MAU2: variants seen among roughly 807,000 people sequenced by gnomAD.
MAU2 encodes MAU2 chromatid cohesion factor homolog.
Under a neutral mutation model 89.1 loss-of-function variants are expected in MAU2, and 9 were observed. The observed-to-expected ratio is 0.10, with a 90% confidence interval of 0.06 to 0.18. The LOEUF is 0.18. Ranked by LOEUF, MAU2 falls within the 10% of genes least tolerant of loss-of-function variation. MAU2 has a pLI of 1.00. For synonymous variants in MAU2, 357 were observed against 343.4 expected (o/e 1.04, Z -0.44); for missense variants, 425 against 803.5 (o/e 0.53, Z 5.69).
At chr19:19,333,309 A>AC (rs202199772) in intron 1 of MAU2, among the ~76,000 whole-genome samples, 1,882 of 152,174 alleles carry the variant, frequency 0.012, 15 homozygotes, top group Non-Finnish European at 0.02. Flanking sequence ...GCGTAGCCAG[A>AC]CCCCATCTCT....
At chr19:19,352,444 G>C (rs2061753065) in intron 16 of MAU2, 1 of 152,230 alleles carries the variant, frequency 6.6e-6, no homozygotes, top group Non-Finnish European at 1.5e-5. Flanking sequence ...TCAGGCCCTG[G>C]TGGGCCTTGG....
rs1003875591 is a variant in MAU2 at position 19,327,623 on chromosome 19, C to G, written c.276+6488C>G. On this transcript the variant is annotated intron_variant, in intron 1 of 18. Coordinates refer to ENST00000262815, the MANE Select transcript of MAU2 (RefSeq NM_015329.4). Reference sequence around the variant, plus strand: ...TACAGGCGTGAGCCACTGCGCCCGGCCTCTACTTTTATTAGAGATGGGGTT... The same window carrying G: ...TACAGGCGTGAGCCACTGCGCCCGGGCTCTACTTTTATTAGAGATGGGGTT... Among the ~76,000 whole-genome samples the G allele has an allele frequency of 9.2e-5, 14 of 152,210 alleles. No individual in the cohort carries two copies. The East Asian group carries it at 2.7e-3, about 29-fold the overall frequency.
intron 5 of MAU2, among the ~76,000 whole-genome samples, chr19:19,339,321 C>T (rs1331911840): frequency 6.6e-6 from 1 of 151,994 alleles, no homozygotes; most frequent in Non-Finnish European, 1.5e-5. Flanking sequence ...GTGGTGGGTA[C>T]CTGTAATCCC....
chr19:19,353,443 T>G (rs2061760835), intron 16 of MAU2: 1 of 152,260 alleles, frequency 6.6e-6, no homozygotes, highest in South Asian at 2.1e-4. Context: ...ACTTTCAAGG[T>G]GCAGCTACAG....
intron 17 of MAU2, 158 bp from the exon 18 acceptor site, chr19:19,355,106 G>A: frequency 1.1e-6 from 1 of 950,732 alleles, no homozygotes; most frequent in Non-Finnish European, 1.5e-6. Context: ...CATGGGCTTT[G>A]TGATCCCAAG....
In MAU2 at chr19:19,355,841, C is replaced by T. The variant is rs765439027; in HGVS notation, c.*59C>T. ...TGCGCGTCTCCGGCTTCCACCCAGACGGCACTCAAGCCTGCCCCCGAGGCG... is the reference window on the plus strand; with the variant it reads ...TGCGCGTCTCCGGCTTCCACCCAGATGGCACTCAAGCCTGCCCCCGAGGCG... On this transcript the variant is annotated 3_prime_UTR_variant, in exon 19 of 19. Transcript: ENST00000262815. 16 of 1,493,070 alleles carry T rather than the reference C, an allele frequency of 1.1e-5. No individual in the cohort carries two copies. Among genetic ancestry groups the T allele is most frequent in the East Asian group, 4.5e-5 (2 of 44,340 alleles). The allele number at this position is 1,493,070 out of a possible 1,614,324, so 92.5% of individuals were successfully genotyped here.
intron 3 of MAU2, 56 bp downstream of exon 3, chr19:19,336,243 T>C: frequency 2.3e-6 from 3 of 1,303,022 alleles, no homozygotes; most frequent in Non-Finnish European, 3.3e-6. Flanking sequence ...CGCTAAGACA[T>C]GACAGCACAT....
At chr19:19,337,318 G>A (rs552828760) in intron 4 of MAU2, 53 bp downstream of exon 4, 1 of 1,417,290 alleles carries the variant, frequency 7.1e-7, no homozygotes, top group South Asian at 1.2e-5. Flanking sequence ...ATGACCCTGG[G>A]GCACACCTGC....
intron 9 of MAU2, among the ~76,000 whole-genome samples, chr19:19,343,571 C>T (rs911969865): frequency 6.6e-6 from 1 of 151,622 alleles, no homozygotes; most frequent in Non-Finnish European, 1.5e-5. Context: ...TCCACAAGCT[C>T]TTGAGCACGT....
intron 1 of MAU2, among the ~76,000 whole-genome samples, chr19:19,327,450 T>C (rs1017013809): frequency 2.6e-5 from 4 of 152,018 alleles, no homozygotes; most frequent in Middle Eastern, 3.4e-3. Flanking sequence ...CTCAGCCTCC[T>C]GAGTAGCTGG....
intron 5 of MAU2, among the ~76,000 whole-genome samples, chr19:19,339,405 C>G (rs1281742721): frequency 6.6e-6 from 1 of 151,926 alleles, no homozygotes; most frequent in Admixed American, 6.6e-5. Context: ...CAAGATCATG[C>G]CACTGTACTC....
chr19:19,348,810 C>T, intron 13 of MAU2, 79 bp from the exon 14 acceptor site: 1 of 1,468,366 alleles, frequency 6.8e-7, no homozygotes, highest in South Asian at 1.1e-5. Flanking sequence ...TAGAGAAATT[C>T]CCATGCACTG....
chr19:19,326,712 A>ATATACACATATATATATGTG, intron 1 of MAU2, among the ~76,000 whole-genome samples: 1 of 115,340 alleles, frequency 8.7e-6, no homozygotes, highest in East Asian at 2.4e-4. Context: ...GTATATATAT[A>ATATACACATATATATATGTG]TATATATACA....
intron 7 of MAU2, 133 bp from the exon 8 acceptor site, chr19:19,342,402 A>G: frequency 8.6e-7 from 1 of 1,162,982 alleles, no homozygotes; most frequent in Non-Finnish European, 1.2e-6. Flanking sequence ...GGGCGGCTTC[A>G]TCTTGCAGGA....
In MAU2 at chr19:19,341,380, G is replaced by C; in HGVS notation, c.708G>C (p.Gln236His). Residue 236 changes from glutamine to histidine, a missense_variant, in exon 7 of 19, where the codon CAG (glutamine) becomes CAC (histidine). Physicochemically the swap from Gln to His is conservative, Grantham distance 24 (BLOSUM62 0). Transcript: ENST00000262815. ...ESLRVFFLVL[Q>H]VTHYLDAGQV... ...TGCGTGTCTTCTTCCTGGTGCTCCA[G>C]GTCACCCACTATCTGGATGCCGGGC... The C allele has an allele frequency of 3.7e-6, 6 of 1,613,954 alleles. No homozygotes were observed. The highest frequency in any genetic ancestry group is 1.1e-5 in the South Asian group (1 of 91,086).
At chr19:19,334,692 G>A (rs148097288) in intron 1 of MAU2, 38 of 748,848 alleles carry the variant, frequency 5.1e-5, no homozygotes, top group Admixed American at 1.9e-4. Flanking sequence ...CGCTGTTGCC[G>A]CATGAGTGGC....
chr19:19,338,442 C>T (rs2061614260), intron 4 of MAU2, among the ~76,000 whole-genome samples: 1 of 152,260 alleles, frequency 6.6e-6, no homozygotes, highest in Non-Finnish European at 1.5e-5. Flanking sequence ...GACTTTGACA[C>T]TTGCCTCTGA....
intron 1 of MAU2, among the ~76,000 whole-genome samples, chr19:19,335,373 G>A (rs567294451): frequency 6.6e-6 from 1 of 152,278 alleles, no homozygotes; most frequent in South Asian, 2.1e-4. Context: ...TGTGACACCT[G>A]GGGGCCTTGC....
At chr19:19,333,065 G>C (rs1221584686) in intron 1 of MAU2, among the ~76,000 whole-genome samples, 1 of 149,366 alleles carries the variant, frequency 6.7e-6, no homozygotes, top group African/African-American at 2.5e-5. Context: ...CAACAAGAGC[G>C]AAACTCCATC....
Sources: allele counts gnomAD v4.1 joint callset (sites outside exome capture counted in the v4.1 genomes callset), GRCh38; gene constraint gnomAD v4.1.1; transcripts MANE v1.5; gene names NCBI Gene and HGNC (gene_info 2026-07-23, HGNC 2026-07-21).